The following PTP4A3 variants were observed in gnomAD, a reference collection of about 807,000 sequenced individuals.
The protein encoded by PTP4A3 is protein tyrosine phosphatase 4A3.
Under a neutral mutation model 15.2 loss-of-function variants are expected in PTP4A3, and 9 were observed. That is an observed-to-expected ratio of 0.59 (90% CI 0.36 to 1.03). The LOEUF (loss-of-function observed/expected upper bound fraction) is 1.03. Ranked by LOEUF, PTP4A3 falls within the 50% of genes least tolerant of loss-of-function variation. The probability of loss-of-function intolerance (pLI) is 0.02; values close to 1 mark genes in which losing one functional copy is unlikely to be tolerated. For synonymous variants in PTP4A3, 95 were observed against 102.0 expected, an observed-to-expected ratio of 0.93 and a Z score of 0.41; for missense variants, 234 against 252.1, an observed-to-expected ratio of 0.93 and a Z score of 0.49.
intron 1 of PTP4A3, among the ~76,000 whole-genome samples, chr8:141,408,268 T>C (rs1445010286): frequency 2.0e-5 from 3 of 152,180 alleles, no homozygotes; most frequent in East Asian, 1.9e-4. Context: ...CTGGAATTAG[T>C]GGTGATGATT....
At chr8:141,396,567 C>G (rs1184384599) in intron 1 of PTP4A3, among the ~76,000 whole-genome samples, 1 of 152,070 alleles carries the variant, frequency 6.6e-6, no homozygotes, top group Non-Finnish European at 1.5e-5. Flanking sequence ...CCACTGGGAA[C>G]AGGACAGTCC....
At position 141,425,315 on chromosome 8, in the gene PTP4A3, G is replaced by A. The variant is rs186139925; in HGVS notation, c.198+175G>A. Among the ~76,000 whole-genome samples, 160 of 152,146 alleles carry A rather than the reference G, an allele frequency of 1.1e-3. No homozygotes were observed. The highest frequency in any genetic ancestry group is 1.8e-3 in the Non-Finnish European group (122 of 67,982). ...CAAGGGAAGGCCAGGGTGTTGGGCC[G>A]TGTGACCTCAAGAAAGTCACCCTTG... is the stretch of plus-strand genomic sequence containing the variant. On this transcript the variant is annotated intron_variant, in intron 3 of 5. Transcript: ENST00000521578. The surrounding 1 kb of genome is among the most constrained non-coding windows in gnomAD (Gnocchi z 4.2).
chr8:141,432,350 C>G lies in PTP4A3; in HGVS notation c.*1306C>G. On this transcript the variant is annotated 3_prime_UTR_variant, in exon 6 of 6. Coordinates refer to ENST00000521578, the MANE Select transcript of PTP4A3 (RefSeq NM_032611.3). ...CTAAGGGGGCCGCAGACCTGGCTCC[C>G]CCAGCTCCTGTGTGGAGAAAGGGCA... 1 of 152,256 alleles carries G rather than the reference C, an allele frequency of 6.6e-6. No individual in the cohort carries two copies. Among genetic ancestry groups the G allele is most frequent in the East Asian group, 1.9e-4 (1 of 5,192 alleles). The allele number at this position is 152,256 out of a possible 1,614,324, so 9.4% of individuals were successfully genotyped here.
intron 2 of PTP4A3, among the ~76,000 whole-genome samples, chr8:141,423,310 ACAG>A (rs1386675464): frequency 6.6e-6 from 1 of 152,188 alleles, no homozygotes; most frequent in Non-Finnish European, 1.5e-5. Context: ...CCCTGAGATA[ACAG>A]CAGCATCTAC....
chr8:141,404,724 C>A (rs968026349), intron 1 of PTP4A3, among the ~76,000 whole-genome samples: 3 of 152,076 alleles, frequency 2.0e-5, no homozygotes, highest in East Asian at 3.9e-4. Context: ...TCCTCAAGGA[C>A]CCCCTGAGGG....
intron 1 of PTP4A3, among the ~76,000 whole-genome samples, chr8:141,402,718 A>G (rs1054861109): frequency 2.0e-5 from 1 of 49,828 alleles, no homozygotes; most frequent in African/African-American, 7.9e-5. Flanking sequence ...CTTTTTCCTC[A>G]CTTTCCCCCC....
chr8:141,417,230 C>G (rs1833090488), intron 1 of PTP4A3, among the ~76,000 whole-genome samples: 1 of 152,166 alleles, frequency 6.6e-6, no homozygotes, highest in Non-Finnish European at 1.5e-5. Context: ...TCCTGCCTGC[C>G]GGTGTTACCT....
chr8:141,424,926 G>A, intron 2 of PTP4A3, 122 bp from the exon 3 acceptor site: 1 of 818,300 alleles, frequency 1.2e-6, no homozygotes, highest in Non-Finnish European at 2.0e-6. Flanking sequence ...GAGGGGACAT[G>A]TCCAAGTCCT....
intron 1 of PTP4A3, among the ~76,000 whole-genome samples, chr8:141,419,571 G>GTT (rs66940476): frequency 0.37 from 48,150 of 131,852 alleles, 10,251 homozygotes; most frequent in Non-Finnish European, 0.48. Context: ...CCCACCACCG[G>GTT]TTTTTTTTTT....
chr8:141,413,867 C>T (rs1453085837), intron 1 of PTP4A3, among the ~76,000 whole-genome samples: 1 of 152,132 alleles, frequency 6.6e-6, no homozygotes, highest in Non-Finnish European at 1.5e-5. Flanking sequence ...ATGAAAGATG[C>T]GGTATGGACA....
chr8:141,420,285 CA>C (rs1833266609), intron 1 of PTP4A3, among the ~76,000 whole-genome samples: 1 of 152,132 alleles, frequency 6.6e-6, no homozygotes, highest in Non-Finnish European at 1.5e-5. Context: ...GGGTCACAGC[CA>C]GGGCCAGCAG....
intron 1 of PTP4A3, among the ~76,000 whole-genome samples, chr8:141,407,183 C>T (rs1422225016): frequency 1.3e-5 from 2 of 152,252 alleles, no homozygotes; most frequent in Non-Finnish European, 2.9e-5. Context: ...TGTGTCCCCA[C>T]AGTCCACATG....
At chr8:141,415,268 G>C (rs1832994108) in intron 1 of PTP4A3, among the ~76,000 whole-genome samples, 1 of 151,990 alleles carries the variant, frequency 6.6e-6, no homozygotes, top group African/African-American at 2.4e-5. Context: ...CCTGCAGCAG[G>C]CAGTGGGGAG....
chr8:141,425,196 C>CGGGG lies in PTP4A3; in HGVS notation c.198+59_198+62dup. 1 of 361,486 alleles carries CGGGG rather than the reference C, an allele frequency of 2.8e-6. No homozygotes were observed. Among genetic ancestry groups the CGGGG allele is most frequent in the Non-Finnish European group, 5.4e-6 (1 of 185,990 alleles). 22.4% of individuals were successfully genotyped at this position (361,486 alleles called of 1,614,324 possible). A position where few individuals can be genotyped will look rare whatever the true frequency, so the allele number is the denominator to read the frequency against. Reference sequence around the variant, plus strand: ...CTGCTGCCACCGGGGGAGGGTGGGGCGGGGGGCTCCGGGCCTGCGCAGAGG... The same window carrying CGGGG: ...CTGCTGCCACCGGGGGAGGGTGGGGCGGGGGGGGGGCTCCGGGCCTGCGCAGAGG... On this transcript the variant is annotated intron_variant, in intron 3 of 5. Transcript: ENST00000521578. This position sits in a 1 kb window ranked among gnomAD's most constrained non-coding sequence, Gnocchi z 4.2.
At chr8:141,400,189 G>T (rs192648502) in intron 1 of PTP4A3, among the ~76,000 whole-genome samples, 21 of 152,214 alleles carry the variant, frequency 1.4e-4, no homozygotes, top group African/African-American at 5.1e-4. Context: ...CACTGCGCCC[G>T]GCCCACCACT....
At chr8:141,417,669 G>A (rs1267959381) in intron 1 of PTP4A3, among the ~76,000 whole-genome samples, 1 of 152,000 alleles carries the variant, frequency 6.6e-6, no homozygotes, top group African/African-American at 2.4e-5. Context: ...GCCGGCCGGC[G>A]GGAGGAAGGA....
chr8:141,426,894 T>C, intron 3 of PTP4A3, 45 bp from the exon 4 acceptor site: 1 of 1,595,708 alleles, frequency 6.3e-7, no homozygotes, highest in Non-Finnish European at 8.5e-7. Flanking sequence ...GCCGCCTCTC[T>C]ACCCTCCCTC....
chr8:141,418,814 C>G (rs1286630862), intron 1 of PTP4A3, among the ~76,000 whole-genome samples: 1 of 152,198 alleles, frequency 6.6e-6, no homozygotes, highest in African/African-American at 2.4e-5. Context: ...GTGCCCATCC[C>G]TGGGGATCCT....
chr8:141,417,495 C>A (rs1053009584), intron 1 of PTP4A3, among the ~76,000 whole-genome samples: 1 of 152,138 alleles, frequency 6.6e-6, no homozygotes, highest in African/African-American at 2.4e-5. Flanking sequence ...GCCGCATTTC[C>A]ATTTCCAAAG....
Sources: allele counts gnomAD v4.1 joint callset (sites outside exome capture counted in the v4.1 genomes callset), GRCh38; gene constraint gnomAD v4.1.1; non-coding constraint Gnocchi (gnomAD v3.1); transcripts MANE v1.5; gene names NCBI Gene and HGNC (gene_info 2026-07-23, HGNC 2026-07-21).